Variants in SUMF2 observed in about 807,000 individuals in gnomAD.
SUMF2 encodes inactive C-alpha-formylglycine-generating enzyme 2.
SUMF2 carries 45 observed loss-of-function variants against 44.8 expected under a neutral mutation model. That is an observed-to-expected ratio of 1.00 (90% CI 0.79 to 1.29). SUMF2 has a LOEUF of 1.29. Among genes scored for constraint, SUMF2 ranks in the 50% most tolerant of loss-of-function variants. The pLI, the probability that SUMF2 is intolerant of heterozygous loss-of-function variation, is 0.00. For missense variants in SUMF2, 418 were observed against 389.9 expected, an observed-to-expected ratio of 1.07 and a Z score of -0.61; for synonymous variants, 148 against 150.4, an observed-to-expected ratio of 0.98 and a Z score of 0.12.
chr7:56,070,309 C>A (rs942917678), intron 2 of SUMF2, among the ~76,000 whole-genome samples: 7 of 151,958 alleles, frequency 4.6e-5, no homozygotes, highest in African/African-American at 1.4e-4. Flanking sequence ...ACATCTATCT[C>A]TGATGGTTGT....
chr7:56,086,093 C>T, the SUMF2 span, among the ~76,000 whole-genome samples: 3 of 151,590 alleles, frequency 2.0e-5, no homozygotes, highest in Middle Eastern at 3.2e-3. Flanking sequence ...GACCTTACAT[C>T]CTGCCACCCT....
At position 56,074,178 on chromosome 7, in the gene SUMF2, T is replaced by A; in HGVS notation, c.344T>A (p.Val115Glu). The change falls in exon 4 of 9, where the codon GTA (valine) becomes GAA (glutamate). Residue 115 changes from valine to glutamate, a missense_variant. Transcript: ENST00000434526. Reference protein sequence around the residue: ...RNKATQPMKSVLWWLPVEKAF... With the variant: ...RNKATQPMKSELWWLPVEKAF... ...CGGTCTCCTTCTTTTTCGCAGTCTG[T>A]ACTCTGGTGGCTTCCAGTGGAAAAG... The A allele has an allele frequency of 6.2e-7, 1 of 1,614,088 alleles. No homozygotes were observed. Among genetic ancestry groups the A allele is most frequent in the Non-Finnish European group, 8.5e-7 (1 of 1,180,022 alleles).
chr7:56,075,774 G>T (rs1795498410), intron 5 of SUMF2, among the ~76,000 whole-genome samples: 1 of 151,726 alleles, frequency 6.6e-6, no homozygotes, highest in South Asian at 2.1e-4. Flanking sequence ...TACACAAAAA[G>T]TTAGGACAGC....
chr7:56,081,848 G>T, downstream of SUMF2: 1 of 1,609,904 alleles, frequency 6.2e-7, no homozygotes, highest in South Asian at 1.1e-5. The surrounding 1 kb of genome is among the most constrained non-coding windows in gnomAD (Gnocchi z 4.6). Flanking sequence ...GGGGCGCCTG[G>T]CATCGCAGCC....
the SUMF2 span, chr7:56,087,069 A>AGGCAGGGGC: frequency 1.3e-6 from 2 of 1,510,922 alleles, no homozygotes; most frequent in Non-Finnish European, 1.8e-6. Flanking sequence ...AGGGGAGCCC[A>AGGCAGGGGC]GGCAGGGGCA....
In SUMF2 at chr7:56,079,582, A is replaced by G; in HGVS notation, c.876A>G (p.Ala292=). 3 of 1,614,210 alleles carry G rather than the reference A, an allele frequency of 1.9e-6. No homozygotes were observed. Among genetic ancestry groups the G allele is most frequent in the Non-Finnish European group, 2.5e-6 (3 of 1,180,030 alleles). ...ACAACCTCGGTTTCCGCTGTGCTGC[A>G]GACGCAGGCCGGCCGCCAGGGGAGC... ...ASDNLGFRCA[A]DAGRPPGEL The change falls in exon 9 of 9, where the codon GCA becomes GCG. Residue 292 remains alanine, a synonymous_variant. Transcript: ENST00000434526.
At chr7:56,086,546 C>T in the SUMF2 span, among the ~76,000 whole-genome samples, 2 of 151,908 alleles carry the variant, frequency 1.3e-5, no homozygotes, top group African/African-American at 4.8e-5. Context: ...TGGAGTTCAA[C>T]GGCGTGATCT....
intron 1 of SUMF2, among the ~76,000 whole-genome samples, chr7:56,066,458 T>C (rs1239245513): frequency 6.6e-6 from 1 of 152,206 alleles, no homozygotes; most frequent in Non-Finnish European, 1.5e-5. Context: ...TTTATTTATT[T>C]ATTTTGAGAC....
Position 56,078,347 on chromosome 7 carries a change from C to T in SUMF2, c.677-17C>T, listed in dbSNP as rs372803307. ...CGGCGGGTCCCAGCCTGGCCTGACC[C>T]GCCGGTGGGGCTGCAGGGCTCTATG... On this transcript the variant is annotated splice_polypyrimidine_tract_variant and intron_variant, in intron 7 of 8. Transcript: ENST00000434526. 26 of 1,582,094 alleles carry T rather than the reference C, an allele frequency of 1.6e-5. No individual in the cohort carries two copies. Among genetic ancestry groups the T allele is most frequent in the African/African-American group, 1.1e-4 (8 of 74,154 alleles).
chr7:56,087,558 AG>A, the SUMF2 span: 4 of 1,588,292 alleles, frequency 2.5e-6, no homozygotes, highest in African/African-American at 4.0e-5. Context: ...GCAGAATCAC[AG>A]GGGGGCACCC....
At chr7:56,066,309 T>C (rs181140894) in intron 1 of SUMF2, among the ~76,000 whole-genome samples, 4 of 152,204 alleles carry the variant, frequency 2.6e-5, no homozygotes, top group Non-Finnish European at 5.9e-5. Context: ...GTATGGCTTA[T>C]TGGAAACAGC....
At chr7:56,081,658 C>T (rs141196426), downstream of SUMF2, 22 of 1,613,566 alleles carry the variant, frequency 1.4e-5, no homozygotes, top group South Asian at 1.2e-4. The surrounding 1 kb of genome is among the most constrained non-coding windows in gnomAD (Gnocchi z 4.6). Flanking sequence ...GCTGAAGTGC[C>T]GCACTTCCTC....
rs924546997 is a variant in SUMF2 at position 56,076,905 on chromosome 7, C to T, written c.591+16C>T. On this transcript the variant is annotated intron_variant, in intron 6 of 8. Coordinates refer to ENST00000434526, the MANE Select transcript of SUMF2 (RefSeq NM_015411.4). ...CCTGTGGCAGGTAAGACCTACGTTC[C>T]TCCTTTCACCAAGCATTGACAGAGA... is the stretch of plus-strand genomic sequence containing the variant. The T allele has an allele frequency of 1.2e-6, 2 of 1,601,236 alleles. No homozygotes were observed. Among genetic ancestry groups the T allele is most frequent in the African/African-American group, 1.3e-5 (1 of 74,660 alleles).
intron 2 of SUMF2, 48 bp downstream of exon 2, chr7:56,068,686 A>C: frequency 1.8e-3 from 2,665 of 1,520,480 alleles, no homozygotes; most frequent in Non-Finnish European, 2.1e-3. Flanking sequence ...CTCTAATCTC[A>C]TTCTTTTTTC....
the SUMF2 span, chr7:56,087,151 G>A: frequency 9.7e-6 from 7 of 724,772 alleles, no homozygotes; most frequent in South Asian, 1.1e-4. Context: ...AATCAGGAGG[G>A]TGCTCAAAGA....
chr7:56,064,401 C>G, intron 1 of SUMF2, 23 bp downstream of exon 1: 1 of 1,588,068 alleles, frequency 6.3e-7, no homozygotes, highest in African/African-American at 1.3e-5. Flanking sequence ...GCCGTCCATC[C>G]TGGGGGCGCT....
At chr7:56,074,845 C>A in intron 5 of SUMF2, 109 bp downstream of exon 5, 1 of 1,407,168 alleles carries the variant, frequency 7.1e-7, no homozygotes, top group Non-Finnish European at 9.8e-7. Flanking sequence ...TGCCTGTAAT[C>A]CCAACACTTT....
In SUMF2 at chr7:56,078,424, A is replaced by G. The variant is rs1795724365; in HGVS notation, c.737A>G (p.Glu246Gly). 3 of 1,612,060 alleles carry G rather than the reference A, an allele frequency of 1.9e-6. No individual in the cohort carries two copies. The highest frequency in any genetic ancestry group is 2.5e-6 in the Non-Finnish European group (3 of 1,178,996). The change falls in exon 8 of 9, where the codon GAG (glutamate) becomes GGG (glycine). Residue 246 changes from glutamate (E) to glycine (G), a missense_variant. Physicochemically the swap from Glu to Gly is moderately conservative, Grantham distance 98. Coordinates refer to ENST00000434526, the MANE Select transcript of SUMF2 (RefSeq NM_015411.4). ...EWTASPYQAA[E>G]QDMRVLRGAS... is the part of the protein sequence containing the mutation. Reference sequence around the variant, plus strand: ...ACAGCATCACCGTACCAGGCTGCTGAGCAGGACATGCGCGTCCTCCGGGGG... The same window carrying G: ...ACAGCATCACCGTACCAGGCTGCTGGGCAGGACATGCGCGTCCTCCGGGGG...
At chr7:56,076,408 C>CCTCG (rs761579250) in intron 5 of SUMF2, 8 of 154,588 alleles carry the variant, frequency 5.2e-5, no homozygotes, top group Non-Finnish European at 1.0e-4. Context: ...GATCCATCTG[C>CCTCG]CTCGGTCTCC....
Sources: allele counts gnomAD v4.1 joint callset (sites outside exome capture counted in the v4.1 genomes callset), GRCh38; gene constraint gnomAD v4.1.1; non-coding constraint Gnocchi (gnomAD v3.1); transcripts MANE v1.5; gene names NCBI Gene and HGNC (gene_info 2026-07-23, HGNC 2026-07-21).